ALG5: variants seen among roughly 807,000 people sequenced by gnomAD.
The protein encoded by ALG5 is dolichyl-phosphate beta-glucosyltransferase.
ALG5 carries 26 observed loss-of-function variants against 51.8 expected under a neutral mutation model. That is an observed-to-expected ratio of 0.50 (90% CI 0.37 to 0.70). The LOEUF (loss-of-function observed/expected upper bound fraction) is 0.70. ALG5 is among the 30% of genes least tolerant of loss of function. The probability of loss-of-function intolerance (pLI) is 0.00; values close to 1 mark genes in which losing one functional copy is unlikely to be tolerated. For synonymous variants in ALG5, 141 were observed against 136.1 expected, an observed-to-expected ratio of 1.04 and a Z score of -0.25; for missense variants, 311 against 399.3, an observed-to-expected ratio of 0.78 and a Z score of 1.88.
Position 36,995,434 on chromosome 13 carries a change from C to T in ALG5, c.229G>A (p.Glu77Lys). Residue 77 changes from glutamate (E) to lysine (K), a missense_variant, in exon 2 of 10, where the codon GAA (glutamate) becomes AAA (lysine). Coordinates refer to ENST00000239891, the MANE Select transcript of ALG5 (RefSeq NM_013338.5). Reference sequence around the variant, plus strand: ...TCAAAACAGGGCTTACACCGTTTTTCTTCATTGTATGAAGGCACAACGACA... The same window carrying T: ...TCAAAACAGGGCTTACACCGTTTTTTTTCATTGTATGAAGGCACAACGACA... ...LSVVVPSYNE[E>K]KRLPVMMDEA... is the part of the protein sequence containing the mutation. 1 of 1,608,520 alleles carries T rather than the reference C, an allele frequency of 6.2e-7. No homozygotes were observed. Among genetic ancestry groups the T allele is most frequent in the Admixed American group, 1.7e-5 (1 of 58,338 alleles).
chr13:36,983,387 A>G (rs2138816486), intron 6 of ALG5, among the ~76,000 whole-genome samples: 1 of 152,322 alleles, frequency 6.6e-6, no homozygotes, highest in East Asian at 1.9e-4. Flanking sequence ...AGAGTGAACT[A>G]CAACATATCC....
At chr13:36,977,955 C>T (rs1274059000) in intron 6 of ALG5, among the ~76,000 whole-genome samples, 10 of 148,208 alleles carry the variant, frequency 6.7e-5, no homozygotes, top group Admixed American at 1.3e-4. Context: ...GGCAAGATCT[C>T]GGCTCATTGC....
At chr13:36,961,777 A>G (rs2058868332) in intron 8 of ALG5, among the ~76,000 whole-genome samples, 1 of 152,122 alleles carries the variant, frequency 6.6e-6, no homozygotes, top group Non-Finnish European at 1.5e-5. Context: ...CTGAATCCAA[A>G]GAGATACTGA....
At chr13:36,955,946 T>C (rs2058838217) in intron 8 of ALG5, among the ~76,000 whole-genome samples, 1 of 152,174 alleles carries the variant, frequency 6.6e-6, no homozygotes, top group Non-Finnish European at 1.5e-5. Context: ...CTGGGCCATG[T>C]GTTTTTTATT....
intron 3 of ALG5, among the ~76,000 whole-genome samples, chr13:36,994,377 A>T (rs937774763): frequency 1.5e-4 from 23 of 152,312 alleles, no homozygotes; most frequent in African/African-American, 5.1e-4. Flanking sequence ...GGGGATTCCA[A>T]TGGCAGCTAA....
chr13:36,952,731 C>A, intron 8 of ALG5, 132 bp from the exon 9 acceptor site: 1 of 519,676 alleles, frequency 1.9e-6, no homozygotes, highest in Non-Finnish European at 3.3e-6. Flanking sequence ...AGATCAGATT[C>A]ACAGAAATCA....
At chr13:36,966,481 TA>T (rs1173053964) in intron 7 of ALG5, among the ~76,000 whole-genome samples, 5 of 152,324 alleles carry the variant, frequency 3.3e-5, no homozygotes, top group Admixed American at 3.3e-4. Flanking sequence ...TAAGATTTAG[TA>T]AAAGATAGGA....
chr13:36,988,980 G>A (rs1593683258), intron 5 of ALG5, among the ~76,000 whole-genome samples: 1 of 152,300 alleles, frequency 6.6e-6, no homozygotes, highest in South Asian at 2.1e-4. Context: ...TCAGCTGACA[G>A]TAACCTCTTT....
intron 6 of ALG5, among the ~76,000 whole-genome samples, chr13:36,974,714 C>G (rs940153901): frequency 1.3e-5 from 2 of 151,154 alleles, no homozygotes; most frequent in Non-Finnish European, 2.9e-5. Context: ...TATGTAAAGC[C>G]CCCCCACCAC....
At chr13:36,960,644 G>C (rs2181787) in intron 8 of ALG5, among the ~76,000 whole-genome samples, 137,671 of 151,742 alleles carry the variant, frequency 0.91, 62,628 homozygotes, top group East Asian at 1. Flanking sequence ...TCCTGAGTAG[G>C]TGGGACTATG....
intron 4 of ALG5, among the ~76,000 whole-genome samples, chr13:36,991,974 A>G (rs1264792291): frequency 6.6e-6 from 1 of 152,186 alleles, no homozygotes; most frequent in Non-Finnish European, 1.5e-5. Flanking sequence ...TTACTACTCC[A>G]GGACATGTAA....
At position 36,965,728 on chromosome 13, in the gene ALG5, T is replaced by C; in HGVS notation, c.622-2A>G. The C allele has an allele frequency of 6.2e-7, 1 of 1,607,004 alleles. No homozygotes were observed. Among genetic ancestry groups the C allele is most frequent in the Non-Finnish European group, 8.5e-7 (1 of 1,177,966 alleles). On this transcript the variant is annotated splice_acceptor_variant, in intron 7 of 9. Transcript: ENST00000239891. LOFTEE classifies it high-confidence loss of function. ...GAGAAGAGTACGGAAGTAAGAACGC[T>C]GAAAACAAAGACAAAATATAAATGA... is the stretch of plus-strand genomic sequence containing the variant.
chr13:36,996,470 A>T (rs2059051049), intron 1 of ALG5, among the ~76,000 whole-genome samples: 1 of 152,214 alleles, frequency 6.6e-6, no homozygotes, highest in African/African-American at 2.4e-5. Flanking sequence ...ATCAAAGATT[A>T]TCAAAGATTA....
At chr13:36,977,685 G>C (rs1167727180) in intron 6 of ALG5, among the ~76,000 whole-genome samples, 1 of 147,954 alleles carries the variant, frequency 6.8e-6, no homozygotes, top group Non-Finnish European at 1.5e-5. Flanking sequence ...CCAGCTACTT[G>C]GGAGGCTAAG....
chr13:36,988,309 T>C (rs1224715862), intron 5 of ALG5, among the ~76,000 whole-genome samples: 1 of 152,236 alleles, frequency 6.6e-6, no homozygotes, highest in Non-Finnish European at 1.5e-5. Flanking sequence ...CAACATTGGC[T>C]GAATAAAGAA....
At chr13:36,990,601 T>TCA in intron 4 of ALG5, among the ~76,000 whole-genome samples, 1 of 25,240 alleles carries the variant, frequency 4.0e-5, no homozygotes, top group East Asian at 0.038. Flanking sequence ...TTTATGAATC[T>TCA]CACGTCTGTT....
chr13:36,986,435 TTG>T (rs2059002215), intron 5 of ALG5, among the ~76,000 whole-genome samples: 2 of 152,214 alleles, frequency 1.3e-5, no homozygotes, highest in Non-Finnish European at 2.9e-5. Flanking sequence ...TCTGATGTAT[TTG>T]AGTGAATTCC....
chr13:36,955,808 C>A (rs188969697), intron 8 of ALG5, among the ~76,000 whole-genome samples: 2 of 151,570 alleles, frequency 1.3e-5, no homozygotes, highest in African/African-American at 4.8e-5. Context: ...GAAACTGGAC[C>A]CTTATATCAA....
chr13:36,985,179 T>A (rs1479677715), intron 6 of ALG5, among the ~76,000 whole-genome samples: 1 of 152,000 alleles, frequency 6.6e-6, no homozygotes, highest in Non-Finnish European at 1.5e-5. Flanking sequence ...ATTTCTTTCC[T>A]CAACCTCCAC....
Sources: gnomAD v4.1 joint callset for allele counts (sites outside exome capture counted in the v4.1 genomes callset) on GRCh38, gnomAD v4.1.1 for gene constraint, MANE v1.5 for transcripts, NCBI Gene and HGNC (gene_info 2026-07-23, HGNC 2026-07-21) for gene names.